The following JAKMIP2 variants were observed in gnomAD, a reference collection of about 807,000 sequenced individuals.
The protein encoded by JAKMIP2 is janus kinase and microtubule-interacting protein 2.
JAKMIP2 carries 25 observed loss-of-function variants against 115.0 expected under a neutral mutation model. The observed-to-expected ratio is 0.22, with a 90% confidence interval of 0.16 to 0.30. The LOEUF is 0.30. JAKMIP2 is among the 10% of genes least tolerant of loss of function. The pLI is 1.00. For missense variants in JAKMIP2, 642 were observed against 957.6 expected, an observed-to-expected ratio of 0.67 and a Z score of 4.35; for synonymous variants, 334 against 343.6, an observed-to-expected ratio of 0.97 and a Z score of 0.31.
intron 20 of JAKMIP2, among the ~76,000 whole-genome samples, chr5:147,610,125 A>G (rs1756237946): frequency 6.6e-6 from 1 of 152,116 alleles, no homozygotes; most frequent in South Asian, 2.1e-4. Flanking sequence ...GGGTTATAAC[A>G]TGCTCCTTTA....
chr5:147,626,284 C>T (rs1224570371), intron 16 of JAKMIP2, among the ~76,000 whole-genome samples: 1 of 152,226 alleles, frequency 6.6e-6, no homozygotes, highest in Non-Finnish European at 1.5e-5. Context: ...TAGCTTTCTA[C>T]CACAGTGCTA....
chr5:147,683,850 A>G (rs1188768620), intron 1 of JAKMIP2, among the ~76,000 whole-genome samples: 1 of 152,228 alleles, frequency 6.6e-6, no homozygotes, highest in Non-Finnish European at 1.5e-5. Flanking sequence ...GTAAAAGTAC[A>G]TGAAGGTTGG....
At chr5:147,691,303 C>T (rs1049710090) in intron 1 of JAKMIP2, among the ~76,000 whole-genome samples, 3 of 152,076 alleles carry the variant, frequency 2.0e-5, no homozygotes, top group Admixed American at 1.3e-4. Context: ...ACCTTCTCAC[C>T]TCCTCCACGG....
intron 1 of JAKMIP2, among the ~76,000 whole-genome samples, chr5:147,684,413 G>T (rs1320658820): frequency 6.6e-6 from 1 of 151,748 alleles, no homozygotes; most frequent in Non-Finnish European, 1.5e-5. Context: ...ATATAATATT[G>T]GGCATAGGTA....
intron 1 of JAKMIP2, among the ~76,000 whole-genome samples, chr5:147,715,783 T>A (rs933045798): frequency 6.6e-6 from 1 of 151,660 alleles, no homozygotes; most frequent in Non-Finnish European, 1.5e-5. Flanking sequence ...ATACATCATA[T>A]CATCTCCAAT....
At chr5:147,734,714 T>G (rs1280952711) in intron 1 of JAKMIP2, among the ~76,000 whole-genome samples, 1 of 152,174 alleles carries the variant, frequency 6.6e-6, no homozygotes, top group African/African-American at 2.4e-5. Context: ...TTCCATCCTT[T>G]CATTTACCAT....
At chr5:147,694,228 A>G (rs1035282773) in intron 1 of JAKMIP2, among the ~76,000 whole-genome samples, 2 of 151,392 alleles carry the variant, frequency 1.3e-5, no homozygotes, top group African/African-American at 4.9e-5. Context: ...AAGTTTTTTT[A>G]GAAAAAACCC....
intron 1 of JAKMIP2, among the ~76,000 whole-genome samples, chr5:147,712,413 T>C (rs1752817706): frequency 6.6e-6 from 1 of 152,248 alleles, no homozygotes; most frequent in African/African-American, 2.4e-5. Flanking sequence ...ATCCATTGTT[T>C]TATAAATTCT....
chr5:147,646,132 G>C (rs1758121946), intron 5 of JAKMIP2, among the ~76,000 whole-genome samples: 1 of 152,132 alleles, frequency 6.6e-6, no homozygotes, highest in Admixed American at 6.5e-5. Context: ...AAGATTTTGG[G>C]AAGTGCTGAG....
chr5:147,592,564 G>C (rs1265170337), intron 21 of JAKMIP2, among the ~76,000 whole-genome samples: 2 of 152,170 alleles, frequency 1.3e-5, no homozygotes, highest in East Asian at 3.8e-4. Flanking sequence ...CAGAAGATGT[G>C]CTATGAGGTT....
At chr5:147,733,412 C>T (rs907491103) in intron 1 of JAKMIP2, among the ~76,000 whole-genome samples, 7 of 152,226 alleles carry the variant, frequency 4.6e-5, no homozygotes, top group African/African-American at 1.4e-4. Context: ...GCTCCCTATG[C>T]CTTCTGGTCA....
At chr5:147,616,968 G>A (rs766683418) in intron 19 of JAKMIP2, among the ~76,000 whole-genome samples, 12 of 152,024 alleles carry the variant, frequency 7.9e-5, no homozygotes, top group Non-Finnish European at 1.0e-4. Context: ...GATTCTTACC[G>A]CCTATTCATA....
intron 9 of JAKMIP2, among the ~76,000 whole-genome samples, chr5:147,640,345 T>G (rs1757823142): frequency 6.6e-6 from 1 of 152,154 alleles, no homozygotes; most frequent in Non-Finnish European, 1.5e-5. Flanking sequence ...ATCATTCTGA[T>G]GAGGATGGTC....
chr5:147,701,087 A>G (rs1004684412), intron 1 of JAKMIP2, among the ~76,000 whole-genome samples: 17 of 152,276 alleles, frequency 1.1e-4, no homozygotes, highest in African/African-American at 4.1e-4. Flanking sequence ...CTGTAAGGTC[A>G]AAATATGCTG....
At chr5:147,751,921 G>A (rs1754574911) in intron 1 of JAKMIP2, among the ~76,000 whole-genome samples, 1 of 152,092 alleles carries the variant, frequency 6.6e-6, no homozygotes, top group Non-Finnish European at 1.5e-5. Flanking sequence ...TTGAGGATCT[G>A]GGTTAGAGCA....
intron 1 of JAKMIP2, among the ~76,000 whole-genome samples, chr5:147,695,852 AC>A (rs1373346678): frequency 2.0e-5 from 3 of 152,112 alleles, no homozygotes; most frequent in African/African-American, 4.8e-5. Context: ...TATAATAGAA[AC>A]TTTTTTTCTG....
intron 2 of JAKMIP2, among the ~76,000 whole-genome samples, chr5:147,667,703 C>T (rs1192243839): frequency 6.6e-6 from 1 of 152,164 alleles, no homozygotes; most frequent in African/African-American, 2.4e-5. Context: ...TTACACAATC[C>T]AGTGCAAAGG....
intron 1 of JAKMIP2, among the ~76,000 whole-genome samples, chr5:147,744,024 TTCCTTCCTTCCTTCCTTCCTTCCTTCC>T (rs1754258337): frequency 7.2e-6 from 1 of 139,832 alleles, no homozygotes; most frequent in African/African-American, 2.9e-5. Flanking sequence ...CCTTCCTTCC[TTCCTTCCTTCCTTCCTTCCTTCCTTCC>T]TTCCTTCCTC....
At chr5:147,645,093 T>C (rs1758071705) in intron 5 of JAKMIP2, 97 bp from the exon 6 acceptor site, 2 of 1,076,878 alleles carry the variant, frequency 1.9e-6, no homozygotes, top group Non-Finnish European at 2.7e-6. Context: ...GGAGACAGCC[T>C]TGTCTCTGCT....
Sources: allele counts gnomAD v4.1 joint callset (sites outside exome capture counted in the v4.1 genomes callset), GRCh38; gene constraint gnomAD v4.1.1; transcripts MANE v1.5; gene names NCBI Gene and HGNC (gene_info 2026-07-23, HGNC 2026-07-21).